HMCN1: variants seen among roughly 807,000 people sequenced by gnomAD.
The protein encoded by HMCN1 is hemicentin-1.
Under a neutral mutation model 625.9 loss-of-function variants are expected in HMCN1, and 321 were observed. That is an observed-to-expected ratio of 0.51 (90% CI 0.47 to 0.56). HMCN1 has a LOEUF of 0.56. Among genes scored for constraint, HMCN1 ranks in the 20% least tolerant of loss-of-function variants. The pLI is 0.00. For synonymous variants in HMCN1, 2,425 were observed against 2,417.6 expected (o/e 1.00, Z -0.09); for missense variants, 6,588 against 6,887.3 (o/e 0.96, Z 1.54).
intron 22 of HMCN1, among the ~76,000 whole-genome samples, chr1:185,990,707 T>A (rs1181063951): frequency 1.3e-5 from 2 of 152,192 alleles, no homozygotes; most frequent in African/African-American, 4.8e-5. Flanking sequence ...TGGAGCAGAA[T>A]TGTATGAGAT....
At chr1:185,816,208 G>T (rs1659839624) in intron 1 of HMCN1, among the ~76,000 whole-genome samples, 1 of 152,178 alleles carries the variant, frequency 6.6e-6, no homozygotes. Flanking sequence ...CAAATTATAG[G>T]CAGTTACTGA....
intron 1 of HMCN1, among the ~76,000 whole-genome samples, chr1:185,801,785 G>A (rs1279264122): frequency 6.6e-6 from 1 of 152,178 alleles, no homozygotes; most frequent in Admixed American, 6.5e-5. Flanking sequence ...AAACTAAAAG[G>A]TGTGGAGGGA....
At chr1:186,060,858 A>G (rs535839924) in intron 46 of HMCN1, among the ~76,000 whole-genome samples, 7 of 152,214 alleles carry the variant, frequency 4.6e-5, no homozygotes, top group East Asian at 3.9e-4. Flanking sequence ...TACATGTTCA[A>G]TGGAAAACTA....
At chr1:186,039,438 A>G (rs1229626736) in intron 38 of HMCN1, among the ~76,000 whole-genome samples, 1 of 152,064 alleles carries the variant, frequency 6.6e-6, no homozygotes, top group Non-Finnish European at 1.5e-5. Context: ...ACACACGCCT[A>G]GAAATCAATA....
chr1:185,782,486 A>G (rs148717841), intron 1 of HMCN1, among the ~76,000 whole-genome samples: 13,841 of 152,156 alleles, frequency 0.091, 2,025 homozygotes, highest in African/African-American at 0.31. Context: ...GGTTGGTATC[A>G]GTTGTTTCTT....
At chr1:186,022,986 A>T (rs758180370) in intron 35 of HMCN1, 44 bp from the exon 36 acceptor site, 1 of 1,594,204 alleles carries the variant, frequency 6.3e-7, no homozygotes, top group Non-Finnish European at 8.6e-7. Context: ...TTCAAATCCA[A>T]GTATAAGATA....
chr1:185,914,707 A>G (rs1666605268), intron 6 of HMCN1, among the ~76,000 whole-genome samples: 1 of 151,792 alleles, frequency 6.6e-6, no homozygotes, highest in African/African-American at 2.4e-5. Context: ...AACTTTCATC[A>G]AACTTTGTCA....
chr1:186,017,134 T>C, intron 33 of HMCN1, 63 bp downstream of exon 33: 1 of 835,798 alleles, frequency 1.2e-6, no homozygotes, highest in Non-Finnish European at 2.1e-6. Context: ...TTTAGAGCTA[T>C]CTTGAAAGCT....
Position 186,130,560 on chromosome 1 carries a change from G to C in HMCN1, c.13093G>C (p.Gly4365Arg), listed in dbSNP as rs758519039. ...TTCTAACTGGATTGAACCACTTGGT[G>C]GGAATGCAATCCTGAATTGTGAGGT... ...YPSNWIEPLG[G>R]NAILNCEVKG... The change falls in exon 85 of 107, where the codon GGG becomes CGG. Residue 4365 changes from glycine (G) to arginine (R), a missense_variant. Around this residue, in one of 3 missense-constraint regions of HMCN1, gnomAD observed 1,954 missense variants for 2,013.1 expected, o/e 0.97. Coordinates refer to ENST00000271588, the MANE Select transcript of HMCN1 (RefSeq NM_031935.3). The C allele has an allele frequency of 1.9e-6, 3 of 1,613,560 alleles. No individual in the cohort carries two copies. The Admixed American group carries it at 5.0e-5, about 27-fold the overall frequency.
At chr1:186,165,564 G>A (rs943796578) in intron 98 of HMCN1, among the ~76,000 whole-genome samples, 15 of 152,190 alleles carry the variant, frequency 9.9e-5, no homozygotes, top group Admixed American at 9.8e-4. Flanking sequence ...TTAATCAGAG[G>A]ACAGGCAGGA....
intron 102 of HMCN1, among the ~76,000 whole-genome samples, chr1:186,172,815 C>A (rs1207169965): frequency 6.6e-6 from 1 of 152,110 alleles, no homozygotes; most frequent in Non-Finnish European, 1.5e-5. Flanking sequence ...TACCCCCTCC[C>A]CCCAAAAAAG....
At chr1:185,883,879 A>ATTTTTTTT (rs1205211897) in intron 4 of HMCN1, among the ~76,000 whole-genome samples, 47 of 55,946 alleles carry the variant, frequency 8.4e-4, no homozygotes, top group Non-Finnish European at 1.1e-3. Flanking sequence ...ATAGGTCATG[A>ATTTTTTTT]TTTTTTTTTT....
At chr1:185,967,692 G>A (rs566342509) in intron 14 of HMCN1, among the ~76,000 whole-genome samples, 1 of 152,106 alleles carries the variant, frequency 6.6e-6, no homozygotes, top group East Asian at 1.9e-4. Flanking sequence ...GAGGGGGTTA[G>A]GAGCAGGTGG....
At chr1:186,017,094 T>C in intron 33 of HMCN1, 23 bp downstream of exon 33, 1 of 1,225,172 alleles carries the variant, frequency 8.2e-7, no homozygotes, top group Non-Finnish European at 1.2e-6. Context: ...GTATGTCTTC[T>C]AAATACCTCC....
chr1:185,989,942 T>C (rs2102027050), intron 21 of HMCN1, among the ~76,000 whole-genome samples: 1 of 152,262 alleles, frequency 6.6e-6, no homozygotes, highest in East Asian at 1.9e-4. Flanking sequence ...GTAACACCAG[T>C]TAGTTAACAC....
Position 186,113,876 on chromosome 1 carries a change from A to G in HMCN1, c.11132-103A>G. 6.4e-6 allele frequency: 8 copies of G among 1,244,598 alleles called. No individual in the cohort carries two copies. The South Asian group carries it at 7.2e-5, about 11-fold the overall frequency. 77.1% of individuals were successfully genotyped at this position (1,244,598 alleles called of 1,614,324 possible). A position where few individuals can be genotyped will look rare whatever the true frequency, so the allele number is the denominator to read the frequency against. On this transcript the variant is annotated intron_variant, in intron 72 of 106. Coordinates refer to ENST00000271588, the MANE Select transcript of HMCN1 (RefSeq NM_031935.3). ...AACCTAGATTCTTGTAGACAAAGCT[A>G]TACATTTGACTCGAAGCTCATCTTA...
At chr1:185,827,962 T>A (rs892272225) in intron 1 of HMCN1, among the ~76,000 whole-genome samples, 1 of 152,162 alleles carries the variant, frequency 6.6e-6, no homozygotes, top group African/African-American at 2.4e-5. Flanking sequence ...ATGTGTTGAG[T>A]GTGACTCAAG....
intron 54 of HMCN1, among the ~76,000 whole-genome samples, chr1:186,077,268 C>T (rs1658879756): frequency 6.6e-6 from 1 of 152,030 alleles, no homozygotes. Flanking sequence ...GATAGGGTAA[C>T]TCTGTCTAAT....
At chr1:185,972,445 A>G (rs1650896864) in intron 15 of HMCN1, among the ~76,000 whole-genome samples, 1 of 152,162 alleles carries the variant, frequency 6.6e-6, no homozygotes, top group African/African-American at 2.4e-5. Flanking sequence ...TTTCGTATTT[A>G]TGCTTTATTT....
Sources: gnomAD v4.1 joint callset for allele counts (sites outside exome capture counted in the v4.1 genomes callset) on GRCh38, gnomAD v4.1.1 for gene constraint, gnomAD v4.1.1 regional missense constraint, MANE v1.5 for transcripts, NCBI Gene and HGNC (gene_info 2026-07-23, HGNC 2026-07-21) for gene names.